GEMIN2: variants seen among roughly 807,000 people sequenced by gnomAD.
The protein encoded by GEMIN2 is gem nuclear organelle associated protein 2.
Under a neutral mutation model 45.8 loss-of-function variants are expected in GEMIN2, and 37 were observed. The ratio of observed to expected loss-of-function variants is 0.81; its 90% confidence interval spans 0.62 to 1.06. The LOEUF is 1.06. Ranked by LOEUF, GEMIN2 falls within the 50% of genes least tolerant of loss-of-function variation. The pLI is 0.00. For synonymous variants in GEMIN2, 101 were observed against 111.5 expected (o/e 0.91, Z 0.60); for missense variants, 335 against 321.8 (o/e 1.04, Z -0.31).
At chr14:39,115,618 G>A (rs1395623462) in intron 2 of GEMIN2, among the ~76,000 whole-genome samples, 4 of 151,566 alleles carry the variant, frequency 2.6e-5, no homozygotes, top group Non-Finnish European at 5.9e-5. Context: ...CACCACACCC[G>A]GCTAATTTTT....
At chr14:39,128,492 T>C (rs2052675808) in intron 7 of GEMIN2, 144 bp downstream of exon 7, 15 of 461,464 alleles carry the variant, frequency 3.3e-5, no homozygotes, top group East Asian at 2.2e-4. Flanking sequence ...TTTCTTTTTT[T>C]TTTTTTTTTT....
In GEMIN2 at chr14:39,118,519, G is replaced by A. The variant is rs376851598; in HGVS notation, c.313-21G>A. The A allele has an allele frequency of 3.4e-6, 4 of 1,184,996 alleles. No homozygotes were observed. The African/African-American group carries it at 6.0e-5, about 18-fold the overall frequency. The allele number at this position is 1,184,996 out of a possible 1,614,324, so 73.4% of individuals were successfully genotyped here. On this transcript the variant is annotated intron_variant, in intron 3 of 9. Coordinates refer to ENST00000308317, the MANE Select transcript of GEMIN2 (RefSeq NM_003616.3). ...CATTTTTTGAAGAGTACCATCTAATGTCTAAGTTTTCTTCCTTTAGAATGT... is the reference window on the plus strand; with the variant it reads ...CATTTTTTGAAGAGTACCATCTAATATCTAAGTTTTCTTCCTTTAGAATGT...
intron 7 of GEMIN2, 71 bp from the exon 8 acceptor site, chr14:39,131,887 A>G: frequency 1.3e-6 from 1 of 768,738 alleles, no homozygotes; most frequent in Non-Finnish European, 2.3e-6. Context: ...CAGGCATAAC[A>G]TTGGACATTT....
At chr14:39,121,008 C>A (rs976599033) in intron 4 of GEMIN2, among the ~76,000 whole-genome samples, 3 of 152,188 alleles carry the variant, frequency 2.0e-5, no homozygotes, top group Admixed American at 6.5e-5. Flanking sequence ...CCCAAATAGT[C>A]CTGCGTCCTG....
intron 7 of GEMIN2, 195 bp from the exon 8 acceptor site, chr14:39,131,763 G>A (rs574387382): frequency 8.7e-6 from 4 of 459,644 alleles, no homozygotes; most frequent in East Asian, 3.4e-5. Flanking sequence ...AATGTCCTGT[G>A]TCTGTAATTA....
intron 7 of GEMIN2, among the ~76,000 whole-genome samples, chr14:39,131,542 A>T (rs1453527171): frequency 1.3e-5 from 2 of 152,206 alleles, no homozygotes; most frequent in Non-Finnish European, 2.9e-5. Context: ...TCTGTAGTAT[A>T]GTTTCTTTGT....
chr14:39,114,524 TG>T, intron 1 of GEMIN2, 49 bp downstream of exon 1: 1 of 1,395,252 alleles, frequency 7.2e-7, no homozygotes, highest in Non-Finnish European at 1.0e-6. Flanking sequence ...GCCCTGCCCC[TG>T]GGTACAGCCC....
chr14:39,121,744 G>A (rs768134145), intron 4 of GEMIN2, among the ~76,000 whole-genome samples: 2 of 152,064 alleles, frequency 1.3e-5, no homozygotes, highest in African/African-American at 2.4e-5. Flanking sequence ...GCAGAGTTTC[G>A]CTCTTGTTGC....
At chr14:39,121,750 G>A (rs10129866) in intron 4 of GEMIN2, among the ~76,000 whole-genome samples, 1,604 of 152,280 alleles carry the variant, frequency 0.011, 8 homozygotes, top group Non-Finnish European at 0.018. Context: ...TTTCGCTCTT[G>A]TTGCCCAGGC....
At chr14:39,118,509 A>G in intron 3 of GEMIN2, 31 bp from the exon 4 acceptor site, 1 of 996,086 alleles carries the variant, frequency 1.0e-6, no homozygotes, top group African/African-American at 1.6e-5. Context: ...TTTGAAGAGT[A>G]CCATCTAATG....
At chr14:39,117,872 TTTA>T in intron 2 of GEMIN2, 124 bp from the exon 3 acceptor site, 1 of 463,014 alleles carries the variant, frequency 2.2e-6, no homozygotes, top group Non-Finnish European at 3.9e-6. Context: ...GCAAAAATAT[TTTA>T]TTTTCTTGTA....
At chr14:39,120,431 C>T (rs763688499) in intron 4 of GEMIN2, among the ~76,000 whole-genome samples, 1 of 152,052 alleles carries the variant, frequency 6.6e-6, no homozygotes, top group Non-Finnish European at 1.5e-5. Flanking sequence ...AAAACATAAA[C>T]ATTTGTTTAT....
intron 9 of GEMIN2, 21 bp from the exon 10 acceptor site, chr14:39,136,417 ATT>A (rs759668755): frequency 1.6e-6 from 2 of 1,265,762 alleles, no homozygotes; most frequent in South Asian, 2.4e-5. Flanking sequence ...TTATACATAA[ATT>A]TTTTGTTTTT....
At chr14:39,135,346 G>A (rs2052768787) in intron 9 of GEMIN2, among the ~76,000 whole-genome samples, 1 of 152,120 alleles carries the variant, frequency 6.6e-6, no homozygotes, top group South Asian at 2.1e-4. Flanking sequence ...ACCACTTTGG[G>A]AGGCCAAGGC....
Position 39,118,598 on chromosome 14 carries a change from TG to T in GEMIN2, c.372+1del. 3 of 1,385,838 alleles carry T rather than the reference TG, an allele frequency of 2.2e-6. No homozygotes were observed. Among genetic ancestry groups the T allele is most frequent in the Non-Finnish European group, 3.1e-6 (3 of 972,246 alleles). The allele number at this position is 1,385,838 out of a possible 1,614,324, so 85.8% of individuals were successfully genotyped here. On this transcript the variant is annotated frameshift_variant and splice_region_variant, in exon 4 of 10. Coordinates refer to ENST00000308317, the MANE Select transcript of GEMIN2 (RefSeq NM_003616.3). LOFTEE classifies it high-confidence loss of function. Reference sequence around the variant, plus strand: ...CAACAGTTGGATAGTAATGTGACAATGGTATGTAAGTTTCTCAGTTTTAAGA... The same window carrying T: ...CAACAGTTGGATAGTAATGTGACAATGTATGTAAGTTTCTCAGTTTTAAGA... The part of the protein sequence containing the change: ...KSQQLDSNVT[M>X]PKSEDEEGWK...
chr14:39,118,642 A>C (rs1295803900), intron 4 of GEMIN2, 43 bp downstream of exon 4: 2 of 832,966 alleles, frequency 2.4e-6, no homozygotes, highest in East Asian at 4.9e-5. Flanking sequence ...TGTATACCTG[A>C]TTGAAAGAGT....
At chr14:39,121,156 T>TC (rs1354154755) in intron 4 of GEMIN2, among the ~76,000 whole-genome samples, 6 of 151,316 alleles carry the variant, frequency 4.0e-5, no homozygotes, top group African/African-American at 1.5e-4. Flanking sequence ...GTGCATTTTT[T>TC]CCCCCATACT....
chr14:39,116,385 G>A (rs1486494944), intron 2 of GEMIN2, among the ~76,000 whole-genome samples: 5 of 151,338 alleles, frequency 3.3e-5, no homozygotes, highest in East Asian at 3.9e-4. Flanking sequence ...TCAAAGGAGG[G>A]TGGCATTTTA....
At chr14:39,133,941 GCAC>G (rs1460766028) in intron 9 of GEMIN2, 2 of 313,500 alleles carry the variant, frequency 6.4e-6, no homozygotes, top group Non-Finnish European at 5.9e-6. Flanking sequence ...CCACAACCAA[GCAC>G]CACCACACCT....
Sources: gnomAD v4.1 joint callset for allele counts (sites outside exome capture counted in the v4.1 genomes callset) on GRCh38, gnomAD v4.1.1 for gene constraint, MANE v1.5 for transcripts, NCBI Gene and HGNC (gene_info 2026-07-23, HGNC 2026-07-21) for gene names.